MDM2: variants seen among roughly 807,000 people sequenced by gnomAD.
The protein encoded by MDM2 is MDM2 proto-oncogene, also known as E3 ubiquitin-protein ligase Mdm2.
Under a neutral mutation model 64.3 loss-of-function variants are expected in MDM2, and 11 were observed. The ratio of observed to expected loss-of-function variants is 0.17; its 90% CI spans 0.11 to 0.28. MDM2 has a LOEUF of 0.28. MDM2 is among the 10% of genes least tolerant of loss of function. The probability of loss-of-function intolerance (pLI) is 1.00; values close to 1 mark genes in which losing one functional copy is unlikely to be tolerated. For missense variants in MDM2, 388 were observed against 577.1 expected, an observed-to-expected ratio of 0.67 and a Z score of 3.36; for synonymous variants, 194 against 192.9, an observed-to-expected ratio of 1.01 and a Z score of -0.05.
At chr12:68,824,867 C>A in intron 7 of MDM2, 1 of 496,482 alleles carries the variant, frequency 2.0e-6, no homozygotes, top group South Asian at 2.5e-5. Flanking sequence ...TTACTGTGCC[C>A]CACTGGAGTT....
chr12:68,818,971 A>G (rs1881625596), intron 4 of MDM2, among the ~76,000 whole-genome samples: 1 of 152,062 alleles, frequency 6.6e-6, no homozygotes. Flanking sequence ...ACTTCAAGTG[A>G]TCTGCCTGTC....
intron 7 of MDM2, chr12:68,828,097 C>T (rs535364425): frequency 6.6e-6 from 1 of 152,286 alleles, no homozygotes; most frequent in South Asian, 2.1e-4. Flanking sequence ...TACCACTGCA[C>T]TCCAGCCTGG....
intron 2 of MDM2, among the ~76,000 whole-genome samples, chr12:68,812,514 A>C (rs1338532897): frequency 1.3e-5 from 2 of 152,232 alleles, no homozygotes; most frequent in Non-Finnish European, 2.9e-5. Flanking sequence ...CTCCCCCATG[A>C]CAATTATTTT....
In MDM2 at chr12:68,824,576, G is replaced by A. The variant is rs2136138475; in HGVS notation, c.448G>A (p.Glu150Lys). The part of the protein sequence containing the change: ...DQKDLVQELQ[E>K]EKPSSSHLVS... ...TTAGGACCTTGTACAAGAGCTTCAG[G>A]AAGAGAAACCTTCATCTTCACATTT... The change falls in exon 7 of 11, where the codon GAA becomes AAA. Residue 150 changes from glutamate to lysine, a missense_variant. Physicochemically the swap from Glu to Lys is moderately conservative, Grantham distance 56. Transcript: ENST00000258149. 5.6e-6 allele frequency: 9 copies of A among 1,613,470 alleles called. No homozygotes were observed. Among genetic ancestry groups the A allele is most frequent in the Non-Finnish European group, 7.6e-6 (9 of 1,179,884 alleles).
chr12:68,815,657 G>A, intron 3 of MDM2: 1 of 414,546 alleles, frequency 2.4e-6, no homozygotes. Context: ...TGCCCAGGCT[G>A]GTCTGGAACT....
At chr12:68,812,240 A>G (rs902349007) in intron 2 of MDM2, among the ~76,000 whole-genome samples, 10 of 152,238 alleles carry the variant, frequency 6.6e-5, no homozygotes, top group African/African-American at 2.2e-4. Flanking sequence ...ATTCAATTCT[A>G]TATGTATTTT....
chr12:68,824,213 G>T lies in MDM2; in HGVS notation c.359-150G>T. On this transcript the variant is annotated intron_variant, in intron 5 of 10. Transcript: ENST00000258149. ...TATTTACATCTGCAACATTTAGTAT[G>T]AGGATGCCACCTGGAAAATACATGT... is the stretch of plus-strand genomic sequence containing the variant. 3 of 588,632 alleles carry T rather than the reference G, an allele frequency of 5.1e-6. No individual in the cohort carries two copies. In the East Asian group the frequency reaches 8.5e-5, roughly 17 times the overall value. 36.5% of individuals were successfully genotyped at this position (588,632 alleles called of 1,614,324 possible). A position where few individuals can be genotyped will look rare whatever the true frequency, so the allele number is the denominator to read the frequency against.
At chr12:68,835,234 T>C (rs1883210062) in intron 8 of MDM2, among the ~76,000 whole-genome samples, 1 of 152,238 alleles carries the variant, frequency 6.6e-6, no homozygotes, top group Non-Finnish European at 1.5e-5. Flanking sequence ...TAATTCATTA[T>C]TATACAAGTA....
rs566373856 is a variant in MDM2, at chr12:68,842,490, C to T, written c.*2641C>T. ...ACTTATTTTTTATATAAGGTCACTCCGATGAAAGGTGATTACAAAATCATC... is the reference window on the plus strand; with the variant it reads ...ACTTATTTTTTATATAAGGTCACTCTGATGAAAGGTGATTACAAAATCATC... On this transcript the variant is annotated 3_prime_UTR_variant, in exon 11 of 11. Coordinates refer to ENST00000258149, the MANE Select transcript of MDM2 (RefSeq NM_002392.6). The T allele has an allele frequency of 1.0e-3, 386 of 386,530 alleles. 4 individuals carry two copies. Among genetic ancestry groups the T allele is most frequent in the South Asian group, 7.8e-3 (359 of 45,936 alleles). 23.9% of individuals were successfully genotyped at this position (386,530 alleles called of 1,614,324 possible).
chr12:68,822,741 T>G (rs3730556), intron 5 of MDM2, among the ~76,000 whole-genome samples: 44,445 of 145,502 alleles, frequency 0.31, 7,883 homozygotes, highest in Non-Finnish European at 0.41. Context: ...TTCTCAACTT[T>G]GTCACTTTTT....
At chr12:68,813,424 C>G in intron 2 of MDM2, 130 bp from the exon 3 acceptor site, 1 of 610,714 alleles carries the variant, frequency 1.6e-6, no homozygotes, top group Non-Finnish European at 3.0e-6. Flanking sequence ...ATGATACTTG[C>G]ATAATGATTA....
Position 68,808,315 on chromosome 12 carries a change from C to A in MDM2, c.-163C>A. ...GACCGAGATCCTGCTGCTTTCGCAG[C>A]CAGGAGCACCGTCCCTCCCCGGATT... On this transcript the variant is annotated 5_prime_UTR_variant, in exon 1 of 11. Coordinates refer to ENST00000258149, the MANE Select transcript of MDM2 (RefSeq NM_002392.6). 1 of 863,390 alleles carries A rather than the reference C, an allele frequency of 1.2e-6. No homozygotes were observed. The highest frequency in any genetic ancestry group is 1.8e-6 in the Non-Finnish European group (1 of 550,070). The allele number at this position is 863,390 out of a possible 1,614,324, so 53.5% of individuals were successfully genotyped here.
chr12:68,835,773 G>T (rs1208777816), intron 8 of MDM2, 56 bp from the exon 9 acceptor site: 5 of 1,523,758 alleles, frequency 3.3e-6, no homozygotes, highest in East Asian at 2.3e-5. Flanking sequence ...TTAGGAAACA[G>T]ATACAGAGGT....
intron 10 of MDM2, 110 bp downstream of exon 10, chr12:68,836,859 T>G: frequency 1.4e-6 from 1 of 696,980 alleles, no homozygotes; most frequent in Non-Finnish European, 2.4e-6. Context: ...AGTTAAAATG[T>G]TTTTGTAAAG....
chr12:68,817,077 GCT>G (rs1452414311), intron 4 of MDM2, 132 bp downstream of exon 4: 1 of 1,020,438 alleles, frequency 9.8e-7, no homozygotes, highest in East Asian at 3.0e-5. Flanking sequence ...TAATTTTTTA[GCT>G]CTGCGGCATA....
At chr12:68,846,613 A>G (rs1299538959), downstream of MDM2, 1 of 152,164 alleles carries the variant, frequency 6.6e-6, no homozygotes, top group Non-Finnish European at 1.5e-5. Flanking sequence ...TACAGATACC[A>G]TCATGTTGCT....
At chr12:68,820,513 T>G (rs1881756145) in intron 5 of MDM2, 139 bp downstream of exon 5, 1 of 677,874 alleles carries the variant, frequency 1.5e-6, no homozygotes, top group Non-Finnish European at 2.5e-6. Context: ...TATGATAAAT[T>G]TATTAGAAGT....
intron 9 of MDM2, 178 bp from the exon 10 acceptor site, chr12:68,836,494 T>C (rs1883317687): frequency 5.9e-6 from 3 of 507,662 alleles, no homozygotes; most frequent in Non-Finnish European, 1.1e-5. Flanking sequence ...CCATTGTGGG[T>C]AAGGATTTCT....
chr12:68,814,891 T>A (rs1456906778), intron 3 of MDM2, among the ~76,000 whole-genome samples: 1 of 152,232 alleles, frequency 6.6e-6, no homozygotes, highest in African/African-American at 2.4e-5. Flanking sequence ...AACATTTAAG[T>A]TTCTTTCTTA....
Sources: gnomAD v4.1 joint callset for allele counts (sites outside exome capture counted in the v4.1 genomes callset) on GRCh38, gnomAD v4.1.1 for gene constraint, MANE v1.5 for transcripts, NCBI Gene and HGNC (gene_info 2026-07-23, HGNC 2026-07-21) for gene names.